SLC2A12: variants seen among roughly 807,000 people sequenced by gnomAD.
SLC2A12 encodes solute carrier family 2 member 12.
In SLC2A12, 23 loss-of-function variants were observed where a neutral mutation model predicts 41.8. That is an observed-to-expected ratio of 0.55 (90% CI 0.40 to 0.78). The LOEUF (loss-of-function observed/expected upper bound fraction) is 0.78. SLC2A12 is among the 30% of genes least tolerant of loss of function. The pLI is 0.00. For missense variants in SLC2A12, 654 were observed against 745.6 expected (o/e 0.88, Z 1.43); for synonymous variants, 295 against 285.9 (o/e 1.03, Z -0.32).
rs190425179 is a variant in SLC2A12, at chr6:134,005,383, G to A, written c.1567+1429C>T. Among the ~76,000 whole-genome samples, 251 of 152,194 alleles carry A rather than the reference G, an allele frequency of 1.6e-3. 1 individual carries two copies. The highest frequency in any genetic ancestry group is 5.8e-3 in the African/African-American group (241 of 41,546). On this transcript the variant is annotated intron_variant, in intron 3 of 4. Transcript: ENST00000275230. Reference sequence around the variant, plus strand: ...CCTTATTACAGAATCTCCCTGCCAGGCACAGTGGCTTACGCCTGTAATCCC... The same window carrying A: ...CCTTATTACAGAATCTCCCTGCCAGACACAGTGGCTTACGCCTGTAATCCC...
rs1256392657 is a variant in SLC2A12, at chr6:134,052,524, C to T, written c.-44G>A. On this transcript the variant is annotated 5_prime_UTR_variant, in exon 1 of 5. Coordinates refer to ENST00000275230, the MANE Select transcript of SLC2A12 (RefSeq NM_145176.3). ...GCCGCTTCCCCGCCACCAAACCGCC[C>T]CGACCACCCCCGCTCCCAGGAGTGG... 6.8e-7 allele frequency: 1 copy of T among 1,476,712 alleles called. No individual in the cohort carries two copies. Among genetic ancestry groups the T allele is most frequent in the Admixed American group, 1.7e-5 (1 of 59,570 alleles). The allele number at this position is 1,476,712 out of a possible 1,614,324, so 91.5% of individuals were successfully genotyped here. A position where few individuals can be genotyped will look rare whatever the true frequency, so the allele number is the denominator to read the frequency against.
In SLC2A12 at chr6:134,045,297, A is replaced by T. The variant is rs140842564; in HGVS notation, c.103+7081T>A. Among the ~76,000 whole-genome samples the T allele has an allele frequency of 2.3e-3, 347 of 152,364 alleles. 2 individuals are homozygous for T. Among genetic ancestry groups the T allele is most frequent in the African/African-American group, 7.9e-3 (329 of 41,592 alleles). On this transcript the variant is annotated intron_variant, in intron 1 of 4. Coordinates refer to ENST00000275230, the MANE Select transcript of SLC2A12 (RefSeq NM_145176.3). ...CCAAATTCACAGATTGGAAAGTAGA[A>T]GCATTATTGCTGGCTGGTAATATGG... is the stretch of plus-strand genomic sequence containing the variant.
chr6:134,030,891 C>G (rs532720929), intron 1 of SLC2A12, among the ~76,000 whole-genome samples: 1 of 152,024 alleles, frequency 6.6e-6, no homozygotes, highest in Admixed American at 6.6e-5. Flanking sequence ...AGGGCATTGA[C>G]GCTATAGGTT....
chr6:134,044,685 G>T (rs1472746240), intron 1 of SLC2A12, among the ~76,000 whole-genome samples: 1 of 135,434 alleles, frequency 7.4e-6, no homozygotes, highest in Admixed American at 8.2e-5. Flanking sequence ...CTACACTCCA[G>T]CCTGGACAAC....
In SLC2A12 at chr6:134,028,261, G is replaced by A. The variant is rs1246384971; in HGVS notation, c.1444+120C>T. On this transcript the variant is annotated intron_variant, in intron 2 of 4. Coordinates refer to ENST00000275230, the MANE Select transcript of SLC2A12 (RefSeq NM_145176.3). ...GCCAAGCATACTTTCTGCATTAGAA[G>A]GAACATCAGATGACCAATGTTATCC... 4 of 1,303,208 alleles carry A rather than the reference G, an allele frequency of 3.1e-6. No individual in the cohort carries two copies. The African/African-American group carries it at 4.4e-5, about 14-fold the overall frequency. The allele number at this position is 1,303,208 out of a possible 1,614,324, so 80.7% of individuals were successfully genotyped here. A position where few individuals can be genotyped will look rare whatever the true frequency, so the allele number is the denominator to read the frequency against.
chr6:134,018,059 T>C (rs1167692055), intron 2 of SLC2A12, among the ~76,000 whole-genome samples: 1 of 151,918 alleles, frequency 6.6e-6, no homozygotes, highest in Non-Finnish European at 1.5e-5. Flanking sequence ...CTCAGCTGGA[T>C]TTATGTGTAG....
At chr6:134,038,083 C>T (rs1196345459) in intron 1 of SLC2A12, among the ~76,000 whole-genome samples, 1 of 152,172 alleles carries the variant, frequency 6.6e-6, no homozygotes. Flanking sequence ...TTTGGCCTCT[C>T]TCAACACCTA....
chr6:134,039,102 C>A (rs1289344175), intron 1 of SLC2A12, among the ~76,000 whole-genome samples: 1 of 152,182 alleles, frequency 6.6e-6, no homozygotes, highest in African/African-American at 2.4e-5. Flanking sequence ...TTTTTCCATT[C>A]AGGAAAGATT....
Position 134,029,163 on chromosome 6 carries a change from G to T in SLC2A12, c.662C>A (p.Pro221His). 1.2e-6 allele frequency: 2 copies of T among 1,614,090 alleles called. No individual in the cohort carries two copies. Among genetic ancestry groups the T allele is most frequent in the Non-Finnish European group, 1.7e-6 (2 of 1,180,024 alleles). The change falls in exon 2 of 5, where the codon CCT (proline) becomes CAT (histidine). Residue 221 changes from proline to histidine, a missense_variant. By Grantham distance (77) the Pro-to-His change is moderately conservative. Coordinates refer to ENST00000275230, the MANE Select transcript of SLC2A12 (RefSeq NM_145176.3). ...AIAMYFLPPS[P>H]RFLVMKGQEG... Reference sequence around the variant, plus strand: ...TTGTCCTTTCATCACCAGAAACCGAGGGCTTGGAGGAAGAAAATACATTGC... The same window carrying T: ...TTGTCCTTTCATCACCAGAAACCGATGGCTTGGAGGAAGAAAATACATTGC...
Position 134,020,041 on chromosome 6 carries a change from AAG to A in SLC2A12, c.1444+8338_1444+8339del, listed in dbSNP as rs34618050. 2.5e-3 allele frequency among the ~76,000 whole-genome samples: 386 copies of A among 151,696 alleles called. 1 individual carries two copies. Among genetic ancestry groups the A allele is most frequent in the African/African-American group, 8.4e-3 (344 of 41,166 alleles). On this transcript the variant is annotated intron_variant, in intron 2 of 4. Transcript: ENST00000275230. ...TTCCATCTCAAAAAAAAAAAAAAAA[AAG>A]TATGTAAGATTACATGAGTACCCCT...
chr6:134,051,825 C>T (rs1187505190), intron 1 of SLC2A12, among the ~76,000 whole-genome samples: 1 of 152,164 alleles, frequency 6.6e-6, no homozygotes, highest in Non-Finnish European at 1.5e-5. Context: ...TCATCACAAA[C>T]GTGCTGGGAA....
At position 134,005,609 on chromosome 6, in the gene SLC2A12, G is replaced by A. The variant is rs370872488; in HGVS notation, c.1567+1203C>T. Among the ~76,000 whole-genome samples, 22 of 127,764 alleles carry A rather than the reference G, an allele frequency of 1.7e-4. No individual in the cohort carries two copies. In the East Asian group the frequency reaches 2.7e-3, roughly 16 times the overall value. 83.8% of individuals were successfully genotyped at this position (127,764 alleles called of 152,430 possible). On this transcript the variant is annotated intron_variant, in intron 3 of 4. Coordinates refer to ENST00000275230, the MANE Select transcript of SLC2A12 (RefSeq NM_145176.3). ...TGGGAGATGGAGGTTGTGGTGAGCC[G>A]AGATCACACCACTGCACTCCAGCCT...
Position 134,029,103 on chromosome 6 carries a change from C to G in SLC2A12, c.722G>C (p.Arg241Thr). The G allele has an allele frequency of 6.2e-7, 1 of 1,614,164 alleles. No individual in the cohort carries two copies. Among genetic ancestry groups the G allele is most frequent in the Non-Finnish European group, 8.5e-7 (1 of 1,180,038 alleles). ...TTCCTCAGTTGTATCTGAGAGTGCTCTTAACCTTCCAAGAACCTTGCTAGC... is the reference window on the plus strand; with the variant it reads ...TTCCTCAGTTGTATCTGAGAGTGCTGTTAACCTTCCAAGAACCTTGCTAGC... ...GAASKVLGRL[R>T]ALSDTTEELT... Residue 241 changes from arginine to threonine, a missense_variant, in exon 2 of 5, where the codon AGA (arginine) becomes ACA (threonine). This residue lies in a region of SLC2A12 where 411 missense variants were observed against 412.1 expected (regional missense o/e 1.00). Transcript: ENST00000275230.
intron 2 of SLC2A12, among the ~76,000 whole-genome samples, chr6:134,023,233 A>C (rs1777068549): frequency 6.6e-6 from 1 of 152,228 alleles, no homozygotes; most frequent in Non-Finnish European, 1.5e-5. Context: ...GGAATAGACA[A>C]TGACTTCTGG....
In SLC2A12 at chr6:134,028,589, A is replaced by C. The variant is rs1295674531; in HGVS notation, c.1236T>G (p.Ser412=). The change falls in exon 2 of 5, where the codon TCT becomes TCG. Residue 412 remains serine, a synonymous_variant. Coordinates refer to ENST00000275230, the MANE Select transcript of SLC2A12 (RefSeq NM_145176.3). ...GCATGAGTGAGCTTCTGCTATGGGAAGAAATCCCTTTGAAGTGGTCTCTGA... is the reference window on the plus strand; with the variant it reads ...GCATGAGTGAGCTTCTGCTATGGGACGAAATCCCTTTGAAGTGGTCTCTGA... ...NTLRDHFKGI[S]SHSRSSLMPL... 1 of 1,614,094 alleles carries C rather than the reference A, an allele frequency of 6.2e-7. No individual in the cohort carries two copies. The highest frequency in any genetic ancestry group is 2.2e-5 in the East Asian group (1 of 44,904).
rs1251009279 is a variant in SLC2A12, at chr6:134,037,109, T to C, written c.104-7388A>G. ...GCTATTCCCTTCACCACAGGGTCGT[T>C]TGCCTTCCTTCACAGCCCAGGGAAA... On this transcript the variant is annotated intron_variant, in intron 1 of 4. Coordinates refer to ENST00000275230, the MANE Select transcript of SLC2A12 (RefSeq NM_145176.3). Among the ~76,000 whole-genome samples, 8 of 151,668 alleles carry C rather than the reference T, an allele frequency of 5.3e-5. No individual in the cohort carries two copies. The East Asian group carries it at 1.4e-3, about 26-fold the overall frequency.
intron 1 of SLC2A12, among the ~76,000 whole-genome samples, chr6:134,051,218 G>T (rs375727448): frequency 6.6e-6 from 1 of 152,064 alleles, no homozygotes; most frequent in Non-Finnish European, 1.5e-5. Flanking sequence ...GAGCCACCAC[G>T]CCCGGCCTCA....
intron 3 of SLC2A12, among the ~76,000 whole-genome samples, chr6:134,004,549 T>G (rs1481668928): frequency 6.6e-6 from 1 of 152,168 alleles, no homozygotes; most frequent in Non-Finnish European, 1.5e-5. Flanking sequence ...ATATATGAAA[T>G]GAAGAAATTA....
intron 1 of SLC2A12, among the ~76,000 whole-genome samples, chr6:134,031,086 C>G (rs78503247): frequency 6.6e-6 from 1 of 152,076 alleles, no homozygotes; most frequent in Non-Finnish European, 1.5e-5. Flanking sequence ...TATTTTGGAG[C>G]TAAAAACCAC....
Sources: allele counts gnomAD v4.1 joint callset (sites outside exome capture counted in the v4.1 genomes callset), GRCh38; gene constraint gnomAD v4.1.1; regional missense constraint gnomAD v4.1.1; transcripts MANE v1.5; gene names NCBI Gene and HGNC (gene_info 2026-07-23, HGNC 2026-07-21).